FAT1: variants seen among roughly 807,000 people sequenced by gnomAD.
The protein encoded by FAT1 is protocadherin Fat 1.
Under a neutral mutation model 329.8 loss-of-function variants are expected in FAT1, and 171 were observed. The observed-to-expected ratio is 0.52, with a 90% CI of 0.46 to 0.59. FAT1 has a LOEUF of 0.59. Among genes scored for constraint, FAT1 ranks in the 20% least tolerant of loss-of-function variants. FAT1 has a pLI of 0.00. For missense variants in FAT1, 5,672 were observed against 5,774.4 expected (o/e 0.98, Z 0.57); for synonymous variants, 2,233 against 2,228.6 (o/e 1.00, Z -0.06).
rs1659742033 is a variant in FAT1 at position 186,620,356 on chromosome 4, T to C, written c.6230A>G (p.Asn2077Ser). 1 of 1,613,812 alleles carries C rather than the reference T, an allele frequency of 6.2e-7. No individual in the cohort carries two copies. The highest frequency in any genetic ancestry group is 1.3e-5 in the African/African-American group (1 of 74,908). ...VKVIVEDQND[N>S]APVFVNLPYY... The stretch of plus-strand genomic sequence containing the variant: ...GGGAAGGTTGACAAACACCGGCGCA[T>C]TATCATTTTGGTCTTCTACAATGAC... The change falls in exon 10 of 27, where the codon AAT becomes AGT. Residue 2077 changes from asparagine to serine, a missense_variant. Transcript: ENST00000441802.
Position 186,599,926 on chromosome 4 carries a change from T to G in FAT1, c.12075A>C (p.Gly4025=). The G allele has an allele frequency of 6.2e-7, 1 of 1,613,150 alleles. No individual in the cohort carries two copies. Among genetic ancestry groups the G allele is most frequent in the African/African-American group, 1.3e-5 (1 of 75,022 alleles). ...EDCASNPCQN[G]GVCNPSPAGG... Reference sequence around the variant, plus strand: ...CAGCAGGTGACGGATTGCAAACGCCTCCATTCTGGCAAGGGTTGCTGGCGC... The same window carrying G: ...CAGCAGGTGACGGATTGCAAACGCCGCCATTCTGGCAAGGGTTGCTGGCGC... The change falls in exon 22 of 27, where the codon GGA becomes GGC. Residue 4025 remains glycine (G), a synonymous_variant. Coordinates refer to ENST00000441802, the MANE Select transcript of FAT1 (RefSeq NM_005245.4).
chr4:186,603,877 A>G lies in FAT1; in HGVS notation c.10649T>C (p.Ile3550Thr). Residue 3550 changes from isoleucine (I) to threonine (T), a missense_variant, in exon 19 of 27, where the codon ATT (isoleucine) becomes ACT (threonine). Physicochemically the swap from Ile to Thr is moderately conservative, Grantham distance 89 (BLOSUM62 -1). Transcript: ENST00000441802. ...IYPPAILPLEIFITSSGEEYS... is the reference protein window; with the variant it reads ...IYPPAILPLETFITSSGEEYS... The stretch of plus-strand genomic sequence containing the variant: ...TTCTTCTCCAGAAGAGGTGATGAAA[A>G]TCTCCAGGGGCAAAATCGCAGGCGG... 5 of 1,613,938 alleles carry G rather than the reference A, an allele frequency of 3.1e-6. No homozygotes were observed. The highest frequency in any genetic ancestry group is 4.2e-6 in the Non-Finnish European group (5 of 1,179,882).
chr4:186,645,257 G>T (rs180781817), intron 3 of FAT1, among the ~76,000 whole-genome samples: 1 of 150,412 alleles, frequency 6.6e-6, no homozygotes, highest in Non-Finnish European at 1.5e-5. Flanking sequence ...TTTCAAGGGC[G>T]GAAGAACTGC....
chr4:186,652,006 A>C (rs115929554), intron 3 of FAT1, among the ~76,000 whole-genome samples: 3 of 152,224 alleles, frequency 2.0e-5, no homozygotes, highest in Non-Finnish European at 4.4e-5. Context: ...CTCAGAACTC[A>C]TTTAGTTCAA....
rs1291138852 is a variant in FAT1, at chr4:186,701,050, C to G, written c.3265+5513G>C. 2.6e-5 allele frequency among the ~76,000 whole-genome samples: 4 copies of G among 152,190 alleles called. No homozygotes were observed. In the East Asian group the frequency reaches 7.7e-4, roughly 29 times the overall value. On this transcript the variant is annotated intron_variant, in intron 2 of 26. Transcript: ENST00000441802. ...CGTGGGACGGCCCTGAGTCACGGTC[C>G]CCCGAGTTCCCATCCACAGCCTTTC...
At chr4:186,668,942 C>G (rs1015886906) in intron 2 of FAT1, among the ~76,000 whole-genome samples, 7 of 152,150 alleles carry the variant, frequency 4.6e-5, no homozygotes, top group Non-Finnish European at 8.8e-5. Flanking sequence ...GTCTACCTAT[C>G]AACTTTCAAT....
At chr4:186,633,404 T>C (rs1009430853) in intron 7 of FAT1, among the ~76,000 whole-genome samples, 4 of 152,320 alleles carry the variant, frequency 2.6e-5, no homozygotes, top group East Asian at 3.9e-4. Flanking sequence ...TTAAAATGAG[T>C]GTAAAATTCG....
rs1313264266 is a variant in FAT1 at position 186,708,066 on chromosome 4, T to G, written c.1762A>C (p.Ile588Leu). Residue 588 changes from isoleucine (I) to leucine (L), a missense_variant, in exon 2 of 27, where the codon ATA becomes CTA. By Grantham distance (5) the Ile-to-Leu change is conservative. Transcript: ENST00000441802. ...IPRDLGVGEQ[I>L]TTVSAIDADE... ...GCATCAATAGCAGAAACAGTGGTTA[T>G]TTGCTCTCCCACGCCTAGATCTCTG... 6.2e-7 allele frequency: 1 copy of G among 1,613,880 alleles called. No homozygotes were observed. Among genetic ancestry groups the G allele is most frequent in the Non-Finnish European group, 8.5e-7 (1 of 1,179,896 alleles).
chr4:186,717,935 T>C (rs1272464772), intron 1 of FAT1, among the ~76,000 whole-genome samples: 1 of 152,182 alleles, frequency 6.6e-6, no homozygotes, highest in South Asian at 2.1e-4. Context: ...CTCTTGTGAA[T>C]GGAGATCATC....
intron 11 of FAT1, among the ~76,000 whole-genome samples, chr4:186,616,126 G>A (rs1404971447): frequency 6.6e-6 from 1 of 151,806 alleles, no homozygotes; most frequent in Admixed American, 6.6e-5. Context: ...CCTTTCCAGG[G>A]CCCCCTTGCA....
chr4:186,601,307 C>T lies in FAT1; in HGVS notation c.11602G>A (p.Val3868Ile). The change falls in exon 21 of 27, where the codon GTC becomes ATC. Residue 3868 changes from valine (V) to isoleucine (I), a missense_variant. Val to Ile is a conservative substitution (Grantham distance 29). Coordinates refer to ENST00000441802, the MANE Select transcript of FAT1 (RefSeq NM_005245.4). ...TAGTCAGTTCCTCGAGCATACATGA[C>T]AACCGCATGCGTGGAATATGTTCTG... ...RLRTYSTHAV[V>I]MYARGTDYSI... The T allele has an allele frequency of 6.2e-7, 1 of 1,610,956 alleles. No homozygotes were observed. Among genetic ancestry groups the T allele is most frequent in the Non-Finnish European group, 8.5e-7 (1 of 1,177,470 alleles).
intron 1 of FAT1, among the ~76,000 whole-genome samples, chr4:186,712,803 A>G (rs1359298426): frequency 2.0e-5 from 2 of 102,468 alleles, no homozygotes; most frequent in Non-Finnish European, 3.9e-5. Flanking sequence ...CCCAGCTGTG[A>G]TGACTAAAAA....
intron 24 of FAT1, 176 bp from the exon 25 acceptor site, chr4:186,597,347 G>A: frequency 1.5e-6 from 1 of 666,282 alleles, no homozygotes; most frequent in Non-Finnish European, 2.5e-6. Flanking sequence ...GACCTTCTGT[G>A]GAGAAACCAA....
At chr4:186,638,671 G>A (rs1477964451) in intron 4 of FAT1, among the ~76,000 whole-genome samples, 3 of 151,296 alleles carry the variant, frequency 2.0e-5, no homozygotes, top group Non-Finnish European at 2.9e-5. Context: ...TAAAAACTAA[G>A]TATTTACTGA....
chr4:186,710,021 A>C (rs1424769707), intron 1 of FAT1, among the ~76,000 whole-genome samples, 176 bp from the exon 2 acceptor site: 1 of 152,156 alleles, frequency 6.6e-6, no homozygotes, highest in African/African-American at 2.4e-5. Flanking sequence ...TTCTTGTAAC[A>C]TGTCTAGAAT....
intron 16 of FAT1, 104 bp from the exon 17 acceptor site, chr4:186,606,317 TA>T: frequency 7.6e-7 from 1 of 1,309,862 alleles, no homozygotes; most frequent in Non-Finnish European, 1.1e-6. Flanking sequence ...CCCAGTGAGC[TA>T]CCACTATCTG....
intron 11 of FAT1, among the ~76,000 whole-genome samples, chr4:186,616,596 C>T (rs28595881): frequency 0.064 from 9,681 of 152,196 alleles, 309 homozygotes; most frequent in Middle Eastern, 0.12. Flanking sequence ...GCAGGAAGCA[C>T]GCTGTCCACC....
At chr4:186,673,603 A>G (rs1009078924) in intron 2 of FAT1, among the ~76,000 whole-genome samples, 1 of 152,246 alleles carries the variant, frequency 6.6e-6, no homozygotes, top group African/African-American at 2.4e-5. Flanking sequence ...TGCCTATTTA[A>G]ATCATTTTAA....
rs1208090649 is a variant in FAT1 at position 186,663,394 on chromosome 4, T to C, written c.3485A>G (p.Glu1162Gly). Residue 1162 changes from glutamate (E) to glycine (G), a missense_variant, in exon 3 of 27, where the codon GAG becomes GGG. Physicochemically the swap from Glu to Gly is moderately conservative, Grantham distance 98 (BLOSUM62 -2). Coordinates refer to ENST00000441802, the MANE Select transcript of FAT1 (RefSeq NM_005245.4). ...SPKDVSVVQI[E>G]AFDPDSSSND... is the part of the protein sequence containing the mutation. ...AGAGCTCGAATCTGGATCAAATGCC[T>C]CGATCTGGACCACAGATACATCTTT... 6.2e-7 allele frequency: 1 copy of C among 1,613,944 alleles called. No individual in the cohort carries two copies. Among genetic ancestry groups the C allele is most frequent in the East Asian group, 2.2e-5 (1 of 44,896 alleles).
Sources: gnomAD v4.1 joint callset for allele counts (sites outside exome capture counted in the v4.1 genomes callset) on GRCh38, gnomAD v4.1.1 for gene constraint, MANE v1.5 for transcripts, NCBI Gene and HGNC (gene_info 2026-07-23, HGNC 2026-07-21) for gene names.